The following FKBP3 variants were observed in gnomAD, a reference collection of about 807,000 sequenced individuals.
FKBP3 encodes the protein peptidyl-prolyl cis-trans isomerase FKBP3.
A neutral mutation model predicts 30.6 loss-of-function variants in FKBP3; 21 were observed. That is an observed-to-expected ratio of 0.69 (90% CI 0.49 to 0.99). FKBP3 has a LOEUF of 0.99. FKBP3 is among the 50% of genes least tolerant of loss of function. The probability of loss-of-function intolerance (pLI) is 0.00; values close to 1 mark genes in which losing one functional copy is unlikely to be tolerated. For synonymous variants in FKBP3, 82 were observed against 91.3 expected (o/e 0.90, Z 0.58); for missense variants, 283 against 261.6 (o/e 1.08, Z -0.56).
intron 5 of FKBP3, among the ~76,000 whole-genome samples, 183 bp from the exon 6 acceptor site, chr14:45,118,308 A>G (rs796660732): frequency 1.3e-5 from 2 of 151,972 alleles, no homozygotes; most frequent in Non-Finnish European, 2.9e-5. Context: ...TCTTCAATAG[A>G]AAAAAAAGGG....
At chr14:45,126,523 A>T (rs1885102422) in intron 3 of FKBP3, among the ~76,000 whole-genome samples, 1 of 151,966 alleles carries the variant, frequency 6.6e-6, no homozygotes, top group African/African-American at 2.4e-5. Context: ...CGTCTATAGA[A>T]ACATGGAATA....
chr14:45,132,486 C>G (rs994745314), intron 1 of FKBP3, among the ~76,000 whole-genome samples: 2 of 152,100 alleles, frequency 1.3e-5, no homozygotes, highest in African/African-American at 4.8e-5. Flanking sequence ...CAACCTCCCC[C>G]TCTTGGGTTG....
At chr14:45,132,031 C>A (rs931317712) in intron 1 of FKBP3, among the ~76,000 whole-genome samples, 1 of 152,204 alleles carries the variant, frequency 6.6e-6, no homozygotes, top group Admixed American at 6.5e-5. Flanking sequence ...TATTCTGCTT[C>A]TTTTTCTGCC....
At chr14:45,128,074 C>T (rs569778439) in intron 3 of FKBP3, among the ~76,000 whole-genome samples, 17 of 152,282 alleles carry the variant, frequency 1.1e-4, no homozygotes, top group Non-Finnish European at 2.4e-4. Flanking sequence ...CAGTGGCTCA[C>T]GCCTGTAATC....
At position 45,116,069 on chromosome 14, in the gene FKBP3, T is replaced by G. The variant is rs1184653704; in HGVS notation, c.*129A>C. The G allele has an allele frequency of 1.5e-6, 1 of 645,404 alleles. No homozygotes were observed. The highest frequency in any genetic ancestry group is 2.6e-5 in the East Asian group (1 of 38,712). 40.0% of individuals were successfully genotyped at this position (645,404 alleles called of 1,614,324 possible). On this transcript the variant is annotated 3_prime_UTR_variant, in exon 7 of 7. Coordinates refer to ENST00000396062, the MANE Select transcript of FKBP3 (RefSeq NM_002013.4). ...GCTGGGACCAAGTAAACAAATTTTA[T>G]TAACTCCTTGAATTTTCCAGTTGAC...
intron 3 of FKBP3, 82 bp downstream of exon 3, chr14:45,129,712 G>A: frequency 3.6e-6 from 3 of 832,052 alleles, no homozygotes; most frequent in Non-Finnish European, 5.4e-6. Context: ...CCTTCACTAT[G>A]AGAAGTTAGT....
chr14:45,125,345 A>T (rs1198535752), intron 3 of FKBP3, among the ~76,000 whole-genome samples: 1 of 152,274 alleles, frequency 6.6e-6, no homozygotes, highest in African/African-American at 2.4e-5. Context: ...GGGTGCTAAC[A>T]GTGAGGATGA....
intron 1 of FKBP3, among the ~76,000 whole-genome samples, chr14:45,132,332 G>A (rs1043515713): frequency 3.3e-5 from 5 of 152,068 alleles, no homozygotes; most frequent in African/African-American, 1.2e-4. Context: ...ACATCTCTTT[G>A]ATATCTTATG....
intron 3 of FKBP3, among the ~76,000 whole-genome samples, chr14:45,123,085 C>T (rs1299461300): frequency 6.7e-6 from 1 of 150,242 alleles, no homozygotes; most frequent in African/African-American, 2.5e-5. Context: ...CCCAGCTACT[C>T]GGGAGGTAGA....
chr14:45,128,149 C>T (rs1299708068), intron 3 of FKBP3, among the ~76,000 whole-genome samples: 1 of 152,136 alleles, frequency 6.6e-6, no homozygotes, highest in East Asian at 1.9e-4. Context: ...CCAGCCCAGC[C>T]AACATGGAGA....
intron 3 of FKBP3, among the ~76,000 whole-genome samples, 188 bp downstream of exon 3, chr14:45,129,606 A>G (rs1189417308): frequency 6.6e-6 from 1 of 152,206 alleles, no homozygotes; most frequent in African/African-American, 2.4e-5. Flanking sequence ...ACTGTAAAGC[A>G]CTAGTTCTTA....
chr14:45,131,930 ATAC>A (rs1165716332), intron 1 of FKBP3, among the ~76,000 whole-genome samples: 6 of 152,240 alleles, frequency 3.9e-5, no homozygotes, highest in African/African-American at 1.4e-4. Flanking sequence ...GGACACTAAA[ATAC>A]TACTGCTGAA....
intron 3 of FKBP3, among the ~76,000 whole-genome samples, chr14:45,127,828 T>C (rs117247738): frequency 2.0e-5 from 3 of 152,310 alleles, no homozygotes; most frequent in Non-Finnish European, 2.9e-5. Context: ...AACAACGTTT[T>C]TAACATTCTG....
chr14:45,121,518 CTTG>C lies in FKBP3; in HGVS notation c.418_420del (p.Gln140del). The C allele has an allele frequency of 6.2e-7, 1 of 1,613,568 alleles. No homozygotes were observed. Among genetic ancestry groups the C allele is most frequent in the Non-Finnish European group, 8.5e-7 (1 of 1,179,680 alleles). ...ATATTAGTATCAAAAACAGTCCCATCTTGTAGTGTTCCTGTATACCAGCAGTGA... is the reference window on the plus strand; with the variant it reads ...ATATTAGTATCAAAAACAGTCCCATCTAGTGTTCCTGTATACCAGCAGTGA... On this transcript the variant is annotated inframe_deletion, in exon 4 of 7. Coordinates refer to ENST00000396062, the MANE Select transcript of FKBP3 (RefSeq NM_002013.4).
At chr14:45,124,542 A>G (rs1421135287) in intron 3 of FKBP3, among the ~76,000 whole-genome samples, 1 of 146,942 alleles carries the variant, frequency 6.8e-6, no homozygotes, top group South Asian at 2.2e-4. Flanking sequence ...TAAAAAAAAA[A>G]TTATATATAT....
intron 3 of FKBP3, among the ~76,000 whole-genome samples, chr14:45,124,204 CCTT>C (rs1249205517): frequency 6.6e-6 from 1 of 152,236 alleles, no homozygotes; most frequent in East Asian, 1.9e-4. Flanking sequence ...TTTTCCATGA[CCTT>C]CTCAGTAGAG....
chr14:45,119,089 CAAT>C lies in FKBP3; in HGVS notation c.523-967_523-965del, dbSNP rs536794481. On this transcript the variant is annotated intron_variant, in intron 5 of 6. Coordinates refer to ENST00000396062, the MANE Select transcript of FKBP3 (RefSeq NM_002013.4). ...AGGTAAAACTAACTTTTCAAAGAAACAATAAAAGTCTTCTGGGTTGGCCTCTCC... is the reference window on the plus strand; with the variant it reads ...AGGTAAAACTAACTTTTCAAAGAAACAAAAGTCTTCTGGGTTGGCCTCTCC... 3.3e-5 allele frequency among the ~76,000 whole-genome samples: 5 copies of C among 152,234 alleles called. No homozygotes were observed. In the East Asian group the frequency reaches 9.6e-4, roughly 29 times the overall value.
intron 5 of FKBP3, among the ~76,000 whole-genome samples, chr14:45,119,446 G>T (rs1884932282): frequency 6.6e-6 from 1 of 151,930 alleles, no homozygotes; most frequent in Non-Finnish European, 1.5e-5. Flanking sequence ...GCGCATGCCT[G>T]TAATCCCAGC....
chr14:45,131,652 A>AAAAAAAAC (rs1885218181), intron 1 of FKBP3, among the ~76,000 whole-genome samples: 1 of 151,440 alleles, frequency 6.6e-6, no homozygotes, highest in African/African-American at 2.4e-5. Context: ...AAAAAAAAAA[A>AAAAAAAAC]ATCCTAGCTG....
Sources: gnomAD v4.1 joint callset for allele counts (sites outside exome capture counted in the v4.1 genomes callset) on GRCh38, gnomAD v4.1.1 for gene constraint, MANE v1.5 for transcripts, NCBI Gene and HGNC (gene_info 2026-07-23, HGNC 2026-07-21) for gene names.